The following STK32C variants were observed in gnomAD, a reference collection of about 807,000 sequenced individuals.
The protein encoded by STK32C is serine/threonine kinase 32C.
Under a neutral mutation model 56.5 loss-of-function variants are expected in STK32C, and 31 were observed. The ratio of observed to expected loss-of-function variants is 0.55; its 90% CI spans 0.41 to 0.74. The LOEUF (loss-of-function observed/expected upper bound fraction) is 0.74, where lower values mean the gene tolerates loss of function less well. STK32C is among the 30% of genes least tolerant of loss of function. STK32C has a pLI of 0.00. For synonymous variants in STK32C, 309 were observed against 289.4 expected (o/e 1.07, Z -0.69); for missense variants, 544 against 676.9 (o/e 0.80, Z 2.18).
At chr10:132,257,299 G>A (rs2064156136) in intron 1 of STK32C, among the ~76,000 whole-genome samples, 1 of 152,078 alleles carries the variant, frequency 6.6e-6, no homozygotes, top group Admixed American at 6.5e-5. Context: ...CCTCCCACCT[G>A]CAGCCCCTGG....
intron 1 of STK32C, among the ~76,000 whole-genome samples, chr10:132,268,687 GTC>G (rs1358585985): frequency 1.1e-4 from 16 of 146,316 alleles, no homozygotes; most frequent in South Asian, 2.2e-4. Flanking sequence ...CTCTATGCCT[GTC>G]TGTGCGCATG....
chr10:132,264,010 C>T (rs1301806011), intron 1 of STK32C, among the ~76,000 whole-genome samples: 2 of 152,172 alleles, frequency 1.3e-5, no homozygotes, highest in African/African-American at 2.4e-5. Flanking sequence ...CATGTGACTC[C>T]GTCCCTGTGA....
At position 132,307,465 on chromosome 10, in the gene STK32C, G is replaced by A. The variant is rs1478398761; in HGVS notation, c.262+107C>T. 6.3e-6 allele frequency: 8 copies of A among 1,270,812 alleles called. No individual in the cohort carries two copies. The highest frequency in any genetic ancestry group is 1.6e-5 in the African/African-American group (1 of 62,782). 78.7% of individuals were successfully genotyped at this position (1,270,812 alleles called of 1,614,324 possible). On this transcript the variant is annotated intron_variant, in intron 1 of 11. Transcript: ENST00000298630. This position sits in a 1 kb window ranked among gnomAD's most constrained non-coding sequence, Gnocchi z 4.4. ...TTCTCCGGAAGCCGGGGCGCCCCGG[G>A]AAGCCGTCCCGGACACCGGGGGAAC...
chr10:132,250,809 A>G (rs868770313), intron 1 of STK32C, among the ~76,000 whole-genome samples: 56 of 152,354 alleles, frequency 3.7e-4, no homozygotes, highest in South Asian at 1.7e-3. Flanking sequence ...GCAAAGGTCA[A>G]CGTCTGGTCC....
chr10:132,302,554 C>A (rs1196650056), intron 1 of STK32C, among the ~76,000 whole-genome samples: 5 of 152,222 alleles, frequency 3.3e-5, no homozygotes, highest in African/African-American at 1.2e-4. Context: ...CCAGTCCACA[C>A]CCCAGACCAG....
At chr10:132,235,087 A>G (rs1689605182) in intron 2 of STK32C, among the ~76,000 whole-genome samples, 1 of 151,944 alleles carries the variant, frequency 6.6e-6, no homozygotes, top group South Asian at 2.1e-4. Flanking sequence ...ACTGGTATGA[A>G]CTGTGTGAGT....
chr10:132,230,757 TC>T (rs2063073420), intron 2 of STK32C, among the ~76,000 whole-genome samples: 1 of 147,662 alleles, frequency 6.8e-6, no homozygotes, highest in Admixed American at 6.8e-5. Flanking sequence ...CTTCAGCCGG[TC>T]CCAAGCCTCA....
At chr10:132,229,323 A>G (rs1434676308) in intron 2 of STK32C, among the ~76,000 whole-genome samples, 1 of 152,084 alleles carries the variant, frequency 6.6e-6, no homozygotes, top group East Asian at 1.9e-4. Context: ...TGGGCCACAG[A>G]TGGCCCTGGG....
chr10:132,300,493 C>A (rs1257393467), intron 1 of STK32C, among the ~76,000 whole-genome samples: 1 of 152,234 alleles, frequency 6.6e-6, no homozygotes, highest in African/African-American at 2.4e-5. Context: ...CCATGCTGAT[C>A]TCTGCAGCAG....
intron 7 of STK32C, 58 bp from the exon 8 acceptor site, chr10:132,224,581 A>G: frequency 7.6e-7 from 1 of 1,307,794 alleles, no homozygotes; most frequent in Non-Finnish European, 1.1e-6. Context: ...CACCCAGAAC[A>G]ATGCCAGACA....
chr10:132,208,280 G>T, intron 11 of STK32C, 129 bp from the exon 12 acceptor site: 1 of 1,125,324 alleles, frequency 8.9e-7, no homozygotes, highest in Non-Finnish European at 1.1e-6. Context: ...CAGGCTCGGT[G>T]TCTGCTGGAG....
chr10:132,250,384 C>T (rs2063857428), intron 1 of STK32C, among the ~76,000 whole-genome samples: 2 of 63,708 alleles, frequency 3.1e-5, no homozygotes, highest in Non-Finnish European at 3.0e-5. Context: ...GTGTGTGAGG[C>T]GCACGGGACA....
At chr10:132,208,208 TCCCATGACCTGCCCACGGG>T in intron 11 of STK32C, 57 bp from the exon 12 acceptor site, 1 of 1,287,722 alleles carries the variant, frequency 7.8e-7, no homozygotes, top group South Asian at 3.6e-5. Flanking sequence ...GGCCTCACGG[TCCCATGACCTGCCCACGGG>T]CTCATGGGGT....
chr10:132,325,113 G>T (rs1245558967), intron 1 of STK32C, among the ~76,000 whole-genome samples: 1 of 152,178 alleles, frequency 6.6e-6, no homozygotes, highest in Non-Finnish European at 1.5e-5. Context: ...ATGTGGTTTG[G>T]CTGTGTCCCC....
At chr10:132,247,226 C>T (rs543406673) in intron 1 of STK32C, among the ~76,000 whole-genome samples, 7 of 152,332 alleles carry the variant, frequency 4.6e-5, no homozygotes, top group Admixed American at 4.6e-4. Flanking sequence ...GGGGCAAGTG[C>T]TTTAGGCACT....
At chr10:132,232,479 G>T (rs539820954) in intron 2 of STK32C, among the ~76,000 whole-genome samples, 1 of 152,198 alleles carries the variant, frequency 6.6e-6, no homozygotes. Context: ...ATCACGCAGA[G>T]CAGTGTTTAC....
At chr10:132,224,557 C>T (rs370546316) in intron 7 of STK32C, 34 bp from the exon 8 acceptor site, 8 of 1,525,990 alleles carry the variant, frequency 5.2e-6, no homozygotes, top group Middle Eastern at 3.4e-4. Flanking sequence ...GGCAGGTCCT[C>T]CTGGCCCCCA....
At chr10:132,239,015 G>A (rs567234572) in intron 2 of STK32C, among the ~76,000 whole-genome samples, 1 of 152,282 alleles carries the variant, frequency 6.6e-6, no homozygotes, top group South Asian at 2.1e-4. Flanking sequence ...GGCTGGACAT[G>A]CAGGGCCAAG....
intron 10 of STK32C, among the ~76,000 whole-genome samples, chr10:132,220,930 G>A (rs1286834004): frequency 6.6e-6 from 1 of 152,254 alleles, no homozygotes; most frequent in Non-Finnish European, 1.5e-5. Flanking sequence ...CTTACCCGCT[G>A]CCTAGACAGC....
Sources: gnomAD v4.1 joint callset for allele counts (sites outside exome capture counted in the v4.1 genomes callset) on GRCh38, gnomAD v4.1.1 for gene constraint, Gnocchi (gnomAD v3.1) non-coding constraint, MANE v1.5 for transcripts, NCBI Gene and HGNC (gene_info 2026-07-23, HGNC 2026-07-21) for gene names.